The following USP3 variants were observed in gnomAD, a reference collection of about 807,000 sequenced individuals.
The protein encoded by USP3 is ubiquitin carboxyl-terminal hydrolase 3.
A neutral mutation model predicts 72.3 loss-of-function variants in USP3; 20 were observed. The observed-to-expected ratio is 0.28, with a 90% CI of 0.19 to 0.40. USP3 has a LOEUF of 0.40. Among genes scored for constraint, USP3 ranks in the 10% least tolerant of loss-of-function variants. The probability of loss-of-function intolerance (pLI) is 1.00; values close to 1 mark genes in which losing one functional copy is unlikely to be tolerated. For missense variants in USP3, 479 were observed against 633.9 expected (o/e 0.76, Z 2.62); for synonymous variants, 222 against 225.3 (o/e 0.99, Z 0.13).
At chr15:63,512,149 G>C (rs1484830866) in intron 1 of USP3, among the ~76,000 whole-genome samples, 4 of 151,668 alleles carry the variant, frequency 2.6e-5, no homozygotes, top group Non-Finnish European at 5.9e-5. Flanking sequence ...TAGAGTCAGG[G>C]TTTCACTCAA....
chr15:63,530,638 G>GA, intron 1 of USP3: 1 of 425,338 alleles, frequency 2.4e-6, no homozygotes, highest in South Asian at 1.6e-5. Flanking sequence ...TTTACTAAGA[G>GA]AAAAAAGCTT....
At chr15:63,552,659 T>G (rs976099863) in intron 3 of USP3, among the ~76,000 whole-genome samples, 2 of 152,188 alleles carry the variant, frequency 1.3e-5, no homozygotes, top group Non-Finnish European at 1.5e-5. Flanking sequence ...AAATTTTCAT[T>G]TCTCTGAATA....
rs1031684663 is a variant in USP3 at position 63,534,551 on chromosome 15, T to G, written c.152+1844T>G. On this transcript the variant is annotated intron_variant, in intron 2 of 14. Transcript: ENST00000380324. ...ATCCAAAACTAGATGAGGGAAATAT[T>G]TAATTTCCTGTTAGCTAGTTTATAC... Among the ~76,000 whole-genome samples, 9 of 152,166 alleles carry G rather than the reference T, an allele frequency of 5.9e-5. No homozygotes were observed. The South Asian group carries it at 8.3e-4, about 14-fold the overall frequency.
chr15:63,532,525 G>A lies in USP3; in HGVS notation c.92-122G>A, dbSNP rs1006993692. 3.5e-5 allele frequency: 40 copies of A among 1,159,126 alleles called. 1 individual carries two copies. The highest frequency in any genetic ancestry group is 4.2e-5 in the Non-Finnish European group (33 of 778,940). The allele number at this position is 1,159,126 out of a possible 1,614,324, so 71.8% of individuals were successfully genotyped here. A position where few individuals can be genotyped will look rare whatever the true frequency, so the allele number is the denominator to read the frequency against. On this transcript the variant is annotated intron_variant, in intron 1 of 14. Coordinates refer to ENST00000380324, the MANE Select transcript of USP3 (RefSeq NM_006537.4). ...TTGTGTAAATGCATTCACAAAGCACGGATTTGCAACTTCAGCATTCCTACA... is the reference window on the plus strand; with the variant it reads ...TTGTGTAAATGCATTCACAAAGCACAGATTTGCAACTTCAGCATTCCTACA...
At chr15:63,510,107 A>G (rs1343134047) in intron 1 of USP3, among the ~76,000 whole-genome samples, 1 of 152,176 alleles carries the variant, frequency 6.6e-6, no homozygotes, top group African/African-American at 2.4e-5. Flanking sequence ...ATTGAAATGT[A>G]TGTAATTTCC....
At chr15:63,508,046 C>T (rs1224176046) in intron 1 of USP3, among the ~76,000 whole-genome samples, 1 of 152,176 alleles carries the variant, frequency 6.6e-6, no homozygotes, top group Non-Finnish European at 1.5e-5. Context: ...CTTCTGCATT[C>T]AGTCTCTTGA....
intron 3 of USP3, among the ~76,000 whole-genome samples, chr15:63,552,753 T>A (rs1166944304): frequency 6.6e-6 from 1 of 152,196 alleles, no homozygotes; most frequent in Non-Finnish European, 1.5e-5. Flanking sequence ...TCCCTCTTTT[T>A]AATAAAATGG....
At chr15:63,538,067 T>C (rs2066186218) in intron 3 of USP3, among the ~76,000 whole-genome samples, 1 of 152,158 alleles carries the variant, frequency 6.6e-6, no homozygotes, top group Non-Finnish European at 1.5e-5. Context: ...TATTCATGTC[T>C]ATTTCATATA....
intron 3 of USP3, among the ~76,000 whole-genome samples, chr15:63,546,724 C>G (rs1161805487): frequency 6.6e-6 from 1 of 152,100 alleles, no homozygotes; most frequent in East Asian, 1.9e-4. Flanking sequence ...CTCAGCCTCC[C>G]GAGTAGCTGG....
At chr15:63,556,812 A>G in intron 5 of USP3, 64 bp downstream of exon 5, 1 of 1,124,660 alleles carries the variant, frequency 8.9e-7, no homozygotes, top group African/African-American at 1.6e-5. Flanking sequence ...TTTTGTTACA[A>G]CTCTAACATG....
At chr15:63,527,291 T>C (rs2065996748) in intron 1 of USP3, among the ~76,000 whole-genome samples, 2 of 152,220 alleles carry the variant, frequency 1.3e-5, no homozygotes, top group African/African-American at 4.8e-5. Flanking sequence ...GTAGTGATGT[T>C]CTCTCTTCTG....
At chr15:63,576,227 T>A (rs992570903) in intron 11 of USP3, among the ~76,000 whole-genome samples, 10 of 152,160 alleles carry the variant, frequency 6.6e-5, no homozygotes, top group African/African-American at 2.4e-4. Context: ...CCTCAAGTGA[T>A]CCACACCCCT....
chr15:63,575,484 C>G (rs74018129), intron 11 of USP3, among the ~76,000 whole-genome samples: 17,999 of 152,106 alleles, frequency 0.12, 1,123 homozygotes, highest in African/African-American at 0.14. Flanking sequence ...CACTGTTGCT[C>G]AGGTCGTTTC....
At chr15:63,510,410 T>C (rs1277925170) in intron 1 of USP3, among the ~76,000 whole-genome samples, 1 of 152,182 alleles carries the variant, frequency 6.6e-6, no homozygotes. Context: ...GAAAACAAAA[T>C]GTTAGTCTCC....
chr15:63,556,414 G>A (rs947179745), intron 4 of USP3: 23 of 341,438 alleles, frequency 6.7e-5, no homozygotes, highest in Non-Finnish European at 8.6e-5. Context: ...AGTGTCCCAC[G>A]GGCTGCATCT....
intron 7 of USP3, among the ~76,000 whole-genome samples, chr15:63,560,180 G>T (rs1183439139): frequency 6.6e-6 from 1 of 152,150 alleles, no homozygotes; most frequent in Non-Finnish European, 1.5e-5. Context: ...AGCACTTTGG[G>T]ATGCTGAGGC....
rs1021112369 is a variant in USP3 at position 63,544,576 on chromosome 15, A to G, written c.284+7420A>G. The G allele has an allele frequency of 3.6e-5, 22 of 614,448 alleles. No homozygotes were observed. The African/African-American group carries it at 3.9e-4, about 11-fold the overall frequency. 38.1% of individuals were successfully genotyped at this position (614,448 alleles called of 1,614,324 possible). A position where few individuals can be genotyped will look rare whatever the true frequency, so the allele number is the denominator to read the frequency against. The stretch of plus-strand genomic sequence containing the variant: ...AGAATTTTTTAAAGGAAGTAAACCT[A>G]CATTAAATTTTAGGACAAGAAAACG... On this transcript the variant is annotated intron_variant, in intron 3 of 14. Coordinates refer to ENST00000380324, the MANE Select transcript of USP3 (RefSeq NM_006537.4). This position sits in a 1 kb window ranked among gnomAD's most constrained non-coding sequence, Gnocchi z 4.2.
chr15:63,546,075 A>T (rs2066322910), intron 3 of USP3, among the ~76,000 whole-genome samples: 1 of 151,826 alleles, frequency 6.6e-6, no homozygotes, highest in Non-Finnish European at 1.5e-5. Context: ...TTATAGCCTA[A>T]AACTTGGTCA....
At chr15:63,578,493 T>C (rs1276530497) in intron 11 of USP3, among the ~76,000 whole-genome samples, 1 of 148,970 alleles carries the variant, frequency 6.7e-6, no homozygotes, top group Non-Finnish European at 1.5e-5. Flanking sequence ...GCATCTGTAG[T>C]CCCACCTACT....
Sources: allele counts gnomAD v4.1 joint callset (sites outside exome capture counted in the v4.1 genomes callset), GRCh38; gene constraint gnomAD v4.1.1; non-coding constraint Gnocchi (gnomAD v3.1); transcripts MANE v1.5; gene names NCBI Gene and HGNC (gene_info 2026-07-23, HGNC 2026-07-21).